The following TNR variants were observed in gnomAD, a reference collection of about 807,000 sequenced individuals.
The protein encoded by TNR is tenascin-R.
TNR carries 45 observed loss-of-function variants against 150.4 expected under a neutral mutation model. The observed-to-expected ratio is 0.30, with a 90% confidence interval of 0.24 to 0.38. The LOEUF (loss-of-function observed/expected upper bound fraction) is 0.38. Among genes scored for constraint, TNR ranks in the 10% least tolerant of loss-of-function variants. The pLI is 1.00. For synonymous variants in TNR, 687 were observed against 678.4 expected, an observed-to-expected ratio of 1.01 and a Z score of -0.20; for missense variants, 1,544 against 1,759.1, an observed-to-expected ratio of 0.88 and a Z score of 2.19.
chr1:175,678,061 G>C (rs1412592445), intron 1 of TNR, among the ~76,000 whole-genome samples: 1 of 151,928 alleles, frequency 6.6e-6, no homozygotes, highest in African/African-American at 2.4e-5. Flanking sequence ...TCAATTATAA[G>C]ACTTAAGAGT....
At chr1:175,700,463 G>A (rs546590392) in intron 1 of TNR, among the ~76,000 whole-genome samples, 99 of 152,298 alleles carry the variant, frequency 6.5e-4, no homozygotes, top group African/African-American at 2.2e-3. Context: ...TGCTGAGATC[G>A]TCTTGAGAGA....
At chr1:175,384,095 T>C (rs1392201650) in intron 8 of TNR, among the ~76,000 whole-genome samples, 1 of 152,264 alleles carries the variant, frequency 6.6e-6, no homozygotes, top group East Asian at 1.9e-4. Flanking sequence ...TTTTCCATCA[T>C]GCTGCTCAAG....
At position 175,396,941 on chromosome 1, in the gene TNR, T is replaced by C. The variant is rs139094983; in HGVS notation, c.977-134A>G. 7.5e-5 allele frequency: 88 copies of C among 1,167,266 alleles called. No individual in the cohort carries two copies. In the African/African-American group the frequency reaches 1.2e-3, roughly 16 times the overall value. The allele number at this position is 1,167,266 out of a possible 1,614,324, so 72.3% of individuals were successfully genotyped here. The stretch of plus-strand genomic sequence containing the variant: ...TGCTGGGCTCAATGGCTTTAAGTGA[T>C]TTGTAACTTCCTTTGTGAGCAGGCT... On this transcript the variant is annotated intron_variant, in intron 4 of 22. Coordinates refer to ENST00000367674, the MANE Select transcript of TNR (RefSeq NM_003285.3).
chr1:175,545,603 CAT>C (rs1363255799), intron 1 of TNR, among the ~76,000 whole-genome samples: 1 of 152,172 alleles, frequency 6.6e-6, no homozygotes, highest in Non-Finnish European at 1.5e-5. Flanking sequence ...ATAGCAAACA[CAT>C]AGTGCTCACT....
intron 1 of TNR, among the ~76,000 whole-genome samples, chr1:175,579,335 G>A (rs1337400322): frequency 6.6e-6 from 1 of 152,088 alleles, no homozygotes; most frequent in African/African-American, 2.4e-5. Context: ...GCTACAGACT[G>A]TAGGAATGAT....
chr1:175,711,206 A>T (rs1019463526), intron 1 of TNR, among the ~76,000 whole-genome samples: 1 of 152,090 alleles, frequency 6.6e-6, no homozygotes, highest in Non-Finnish European at 1.5e-5. Flanking sequence ...CAAGTAGGAG[A>T]CTGGGAGTGC....
chr1:175,346,231 T>C (rs1404507232), intron 18 of TNR, among the ~76,000 whole-genome samples: 3 of 152,208 alleles, frequency 2.0e-5, no homozygotes, highest in Non-Finnish European at 4.4e-5. Flanking sequence ...AATGATTAAC[T>C]ACTTGGAAAA....
At chr1:175,610,097 C>A (rs371900655) in intron 1 of TNR, among the ~76,000 whole-genome samples, 2 of 152,282 alleles carry the variant, frequency 1.3e-5, no homozygotes, top group East Asian at 3.9e-4. Context: ...ATATAACCAG[C>A]CACCTCAGGA....
intron 1 of TNR, among the ~76,000 whole-genome samples, chr1:175,723,165 G>C (rs1667364329): frequency 6.6e-6 from 1 of 152,208 alleles, no homozygotes; most frequent in Non-Finnish European, 1.5e-5. Flanking sequence ...TACATAGAAA[G>C]ATGCACAATA....
At chr1:175,385,329 C>T (rs1399256793) in intron 8 of TNR, among the ~76,000 whole-genome samples, 1 of 152,166 alleles carries the variant, frequency 6.6e-6, no homozygotes, top group Non-Finnish European at 1.5e-5. Flanking sequence ...AGCAAGTCAC[C>T]CCGAGGTCTG....
chr1:175,617,242 C>A (rs1187552518), intron 1 of TNR, among the ~76,000 whole-genome samples: 3 of 152,216 alleles, frequency 2.0e-5, no homozygotes, highest in Non-Finnish European at 4.4e-5. Context: ...ACAAAAATAT[C>A]TCTTCCTCAG....
chr1:175,719,477 G>A (rs1250124604), intron 1 of TNR, among the ~76,000 whole-genome samples: 1 of 152,226 alleles, frequency 6.6e-6, no homozygotes, highest in Non-Finnish European at 1.5e-5. Flanking sequence ...TGAGGATGTA[G>A]GCAGGTACTT....
chr1:175,652,495 T>C (rs980836031), intron 1 of TNR, among the ~76,000 whole-genome samples: 1 of 152,236 alleles, frequency 6.6e-6, no homozygotes, highest in Non-Finnish European at 1.5e-5. Flanking sequence ...TTTGGATTTA[T>C]GTCCCTGCCC....
In TNR at chr1:175,323,105, C is replaced by A. The variant is rs183285167; in HGVS notation, c.*252G>T. 5.3e-6 allele frequency: 2 copies of A among 380,390 alleles called. No homozygotes were observed. Among genetic ancestry groups the A allele is most frequent in the East Asian group, 4.6e-5 (1 of 21,946 alleles). 23.6% of individuals were successfully genotyped at this position (380,390 alleles called of 1,614,324 possible). On this transcript the variant is annotated 3_prime_UTR_variant, in exon 23 of 23. Coordinates refer to ENST00000367674, the MANE Select transcript of TNR (RefSeq NM_003285.3). ...CCCTTTAAGAAAACTTCCTACTTCT[C>A]CTCCTTGGTGGGAAAGGAGGTGAAG...
chr1:175,414,320 G>T (rs1235743768), intron 2 of TNR, among the ~76,000 whole-genome samples: 1 of 152,074 alleles, frequency 6.6e-6, no homozygotes, highest in African/African-American at 2.4e-5. Context: ...AAAAAAAATG[G>T]AAGAGTGCCA....
chr1:175,631,539 C>T (rs893099819), intron 1 of TNR, among the ~76,000 whole-genome samples: 1 of 152,006 alleles, frequency 6.6e-6, no homozygotes, highest in Admixed American at 6.6e-5. Context: ...TTATGTGTGG[C>T]CCAAGACAAT....
chr1:175,335,038 G>T (rs1298280166), intron 20 of TNR, among the ~76,000 whole-genome samples: 1 of 152,082 alleles, frequency 6.6e-6, no homozygotes, highest in African/African-American at 2.4e-5. Context: ...CACAAATATG[G>T]AACTTGATAA....
At chr1:175,331,638 C>A (rs1649940828) in intron 20 of TNR, among the ~76,000 whole-genome samples, 1 of 152,132 alleles carries the variant, frequency 6.6e-6, no homozygotes, top group Non-Finnish European at 1.5e-5. Context: ...TTTTGATCTA[C>A]CTGCCCAAAC....
intron 1 of TNR, among the ~76,000 whole-genome samples, chr1:175,547,185 G>A (rs1660724568): frequency 6.6e-6 from 1 of 152,144 alleles, no homozygotes; most frequent in Non-Finnish European, 1.5e-5. Flanking sequence ...CCTGACCCAG[G>A]AGCACCCGAG....
Sources: gnomAD v4.1 joint callset for allele counts (sites outside exome capture counted in the v4.1 genomes callset) on GRCh38, gnomAD v4.1.1 for gene constraint, MANE v1.5 for transcripts, NCBI Gene and HGNC (gene_info 2026-07-23, HGNC 2026-07-21) for gene names.